GPR160: variants seen among roughly 807,000 people sequenced by gnomAD.
GPR160 encodes the protein probable G protein-coupled receptor 160.
A neutral mutation model predicts 2.6 loss-of-function variants in GPR160; 2 were observed. The observed-to-expected ratio is 0.77, with a 90% confidence interval of 0.32 to 2.44. The LOEUF (loss-of-function observed/expected upper bound fraction) is 2.44, where lower values mean the gene tolerates loss of function less well. Among genes scored for constraint, GPR160 ranks in the 30% most tolerant of loss-of-function variants. GPR160 has a pLI of 0.11. For synonymous variants in GPR160, 130 were observed against 132.2 expected, an observed-to-expected ratio of 0.98 and a Z score of 0.12; for missense variants, 351 against 383.6, an observed-to-expected ratio of 0.91 and a Z score of 0.71.
intron 2 of GPR160, among the ~76,000 whole-genome samples, chr3:170,063,632 C>G (rs1310848637): frequency 6.6e-6 from 1 of 150,610 alleles, no homozygotes; most frequent in African/African-American, 2.4e-5. Context: ...TCTCCTCTCT[C>G]CGGTGGAAGA....
chr3:170,040,382 T>C (rs1272338097), intron 2 of GPR160, among the ~76,000 whole-genome samples: 1 of 152,136 alleles, frequency 6.6e-6, no homozygotes, highest in African/African-American at 2.4e-5. Context: ...TCTTTGTAAA[T>C]TGGGTGTCAA....
rs1712027519 is a variant in GPR160, at chr3:170,062,649, C to G, written c.-192-17125C>G. 3 of 1,430,400 alleles carry G rather than the reference C, an allele frequency of 2.1e-6. No individual in the cohort carries two copies. In the South Asian group the frequency reaches 3.6e-5, roughly 17 times the overall value. The allele number at this position is 1,430,400 out of a possible 1,614,324, so 88.6% of individuals were successfully genotyped here. The stretch of plus-strand genomic sequence containing the variant: ...GCCTCGTCTTGTGATTCCACCAATG[C>G]AGCCATCGCCAAGCAAGCCTTGAAA... On this transcript the variant is annotated intron_variant, in intron 2 of 3. Coordinates refer to ENST00000355897, the MANE Select transcript of GPR160 (RefSeq NM_014373.3).
intron 2 of GPR160, among the ~76,000 whole-genome samples, chr3:170,043,041 C>T (rs1246834161): frequency 2.6e-5 from 4 of 151,452 alleles, no homozygotes. Context: ...ACCACCACGC[C>T]CAGCTAATTT....
intron 2 of GPR160, among the ~76,000 whole-genome samples, chr3:170,055,420 T>C (rs1259250399): frequency 6.6e-6 from 1 of 152,210 alleles, no homozygotes; most frequent in Non-Finnish European, 1.5e-5. Context: ...ATGAAGAATG[T>C]CATAACCTCT....
chr3:170,047,737 T>C (rs1275959542), intron 2 of GPR160, among the ~76,000 whole-genome samples: 1 of 149,818 alleles, frequency 6.7e-6, no homozygotes, highest in Admixed American at 6.6e-5. Flanking sequence ...ACACATCACA[T>C]ATACACATAC....
Position 170,084,800 on chromosome 3 carries a change from T to C in GPR160, c.828T>C (p.Asn276=), listed in dbSNP as rs781559786. Residue 276 remains asparagine (N), a synonymous_variant, in exon 4 of 4, where the codon AAT becomes AAC. Transcript: ENST00000355897. The part of the protein sequence containing the change: ...KVQIPAYIEM[N]IPWLYFVNSF... ...AGATTCCAGCATATATTGAGATGAATATTCCCTGGTTATACTTTGTCAATA... is the reference window on the plus strand; with the variant it reads ...AGATTCCAGCATATATTGAGATGAACATTCCCTGGTTATACTTTGTCAATA... 2 of 1,605,682 alleles carry C rather than the reference T, an allele frequency of 1.2e-6. No individual in the cohort carries two copies. The highest frequency in any genetic ancestry group is 1.7e-6 in the Non-Finnish European group (2 of 1,172,832).
intron 2 of GPR160, among the ~76,000 whole-genome samples, chr3:170,049,147 A>G (rs1716852591): frequency 6.6e-6 from 1 of 152,216 alleles, no homozygotes; most frequent in African/African-American, 2.4e-5. Context: ...ACACCGGTTC[A>G]GGGATCAGCA....
intron 2 of GPR160, chr3:170,078,030 T>G (rs1034340826): frequency 3.9e-5 from 6 of 152,390 alleles, no homozygotes; most frequent in African/African-American, 1.4e-4. Flanking sequence ...CAACACTTAC[T>G]CAACAGAAAC....
intron 2 of GPR160, among the ~76,000 whole-genome samples, chr3:170,066,954 C>T (rs1023468749): frequency 6.6e-6 from 1 of 152,158 alleles, no homozygotes; most frequent in Middle Eastern, 3.2e-3. Context: ...GGGGTTTTGC[C>T]TATCCTTTAT....
chr3:170,061,684 TA>T (rs1187096848), intron 2 of GPR160, among the ~76,000 whole-genome samples: 1 of 152,132 alleles, frequency 6.6e-6, no homozygotes, highest in African/African-American at 2.4e-5. Context: ...AACACTTTGG[TA>T]TATTTCCATC....
In GPR160 at chr3:170,080,604, G is replaced by C. The variant is rs556759494; in HGVS notation, c.-69+707G>C. On this transcript the variant is annotated intron_variant, in intron 3 of 3. Transcript: ENST00000355897. ...AGGAGACACAAGCGTCCTCCTCCAG[G>C]TCCTCCTCCTCCCTACTTTTGTCAT... Among the ~76,000 whole-genome samples the C allele has an allele frequency of 5.8e-4, 88 of 152,202 alleles. 2 individuals carry two copies. The highest frequency in any genetic ancestry group is 4.8e-3 in the Admixed American group (73 of 15,280).
At chr3:170,049,825 G>C (rs147142539) in intron 2 of GPR160, 2 of 152,470 alleles carry the variant, frequency 1.3e-5, no homozygotes, top group African/African-American at 4.8e-5. Context: ...TGTCCACAAA[G>C]TTTAGCCTTT....
intron 2 of GPR160, among the ~76,000 whole-genome samples, chr3:170,059,200 G>A (rs1711812860): frequency 6.6e-6 from 1 of 152,164 alleles, no homozygotes; most frequent in African/African-American, 2.4e-5. Flanking sequence ...TTTGAGCCAT[G>A]TAAATATTTT....
chr3:170,063,017 C>T (rs1006865939), intron 2 of GPR160: 3 of 200,828 alleles, frequency 1.5e-5, no homozygotes, highest in Admixed American at 5.8e-5. Context: ...CGCCACCGCA[C>T]TCCATCCTGG....
At position 170,084,755 on chromosome 3, in the gene GPR160, CATT is replaced by C. The variant is rs771360982; in HGVS notation, c.784_786del (p.Ile262del). On this transcript the variant is annotated inframe_deletion, in exon 4 of 4. Transcript: ENST00000355897. The stretch of plus-strand genomic sequence containing the variant: ...TACCATTTGTACTACTTCAGGTAAT[CATT>C]GTTTTACTTAAAGTTCAGATTCCAG... 8.1e-6 allele frequency: 13 copies of C among 1,606,926 alleles called. No homozygotes were observed. The South Asian group carries it at 1.4e-4, about 18-fold the overall frequency.
At chr3:170,072,659 AGAAGG>A (rs1194550371) in intron 2 of GPR160, among the ~76,000 whole-genome samples, 1 of 152,082 alleles carries the variant, frequency 6.6e-6, no homozygotes, top group Non-Finnish European at 1.5e-5. Context: ...CAATGGGAAG[AGAAGG>A]GAAGTCCCAG....
At chr3:170,072,089 T>G (rs919072256) in intron 2 of GPR160, among the ~76,000 whole-genome samples, 261 of 148,800 alleles carry the variant, frequency 1.8e-3, no homozygotes, top group Middle Eastern at 0.01. Context: ...TTTTTTTTTT[T>G]TGTGAGGCAG....
rs943152876 is a variant in GPR160 at position 170,045,381 on chromosome 3, G to A, written c.-193+6338G>A. Among the ~76,000 whole-genome samples the A allele has an allele frequency of 8.5e-5, 10 of 118,302 alleles. No individual in the cohort carries two copies. In the Admixed American group the frequency reaches 9.4e-4, roughly 11 times the overall value. The allele number at this position is 118,302 out of a possible 152,430, so 77.6% of individuals were successfully genotyped here. A position where few individuals can be genotyped will look rare whatever the true frequency, so the allele number is the denominator to read the frequency against. On this transcript the variant is annotated intron_variant, in intron 2 of 3. Transcript: ENST00000355897. Reference sequence around the variant, plus strand: ...AAATCGAGACCATCCTGGCTAACACGGTGAAACCCTGTCTCTACTAAAAAT... The same window carrying A: ...AAATCGAGACCATCCTGGCTAACACAGTGAAACCCTGTCTCTACTAAAAAT...
intron 2 of GPR160, among the ~76,000 whole-genome samples, chr3:170,055,089 C>T (rs35203231): frequency 0.23 from 34,525 of 152,152 alleles, 4,922 homozygotes; most frequent in South Asian, 0.39. Context: ...CCACCGTGCC[C>T]GGCCAGGATT....
Sources: gnomAD v4.1 joint callset for allele counts (sites outside exome capture counted in the v4.1 genomes callset) on GRCh38, gnomAD v4.1.1 for gene constraint, MANE v1.5 for transcripts, NCBI Gene and HGNC (gene_info 2026-07-23, HGNC 2026-07-21) for gene names.